The following CAMK1D variants were observed in gnomAD, a reference collection of about 807,000 sequenced individuals.
CAMK1D encodes calcium/calmodulin-dependent protein kinase type 1D.
CAMK1D carries 9 observed loss-of-function variants against 47.7 expected under a neutral mutation model. That is an observed-to-expected ratio of 0.19 (90% CI 0.11 to 0.33). The LOEUF is 0.33. Ranked by LOEUF, CAMK1D falls within the 10% of genes least tolerant of loss-of-function variation. The pLI is 1.00. For missense variants in CAMK1D, 291 were observed against 488.7 expected (o/e 0.60, Z 3.81); for synonymous variants, 184 against 184.9 (o/e 0.99, Z 0.04).
intron 3 of CAMK1D, among the ~76,000 whole-genome samples, chr10:12,752,669 T>TCATAGA (rs1313670025): frequency 6.6e-6 from 1 of 152,248 alleles, no homozygotes; most frequent in African/African-American, 2.4e-5. Flanking sequence ...TTTAGGCTTG[T>TCATAGA]CATAGAATCG....
intron 1 of CAMK1D, among the ~76,000 whole-genome samples, chr10:12,425,560 G>T (rs1285005846): frequency 1.3e-5 from 2 of 152,046 alleles, no homozygotes; most frequent in Non-Finnish European, 2.9e-5. Context: ...GGGATTACAG[G>T]CGTGAGCCAC....
chr10:12,590,868 C>T (rs1349205301), intron 2 of CAMK1D, among the ~76,000 whole-genome samples: 1 of 152,184 alleles, frequency 6.6e-6, no homozygotes, highest in East Asian at 1.9e-4. Context: ...GCTGGTGACA[C>T]ATGAACCAGC....
At chr10:12,791,322 A>G in intron 6 of CAMK1D, 89 bp downstream of exon 6, 1 of 1,209,558 alleles carries the variant, frequency 8.3e-7, no homozygotes, top group African/African-American at 1.5e-5. Flanking sequence ...ACCATTTTTA[A>G]GGGTACAGTT....
At chr10:12,781,968 A>G (rs1488972927) in intron 5 of CAMK1D, among the ~76,000 whole-genome samples, 1 of 129,196 alleles carries the variant, frequency 7.7e-6, no homozygotes, top group Non-Finnish European at 1.6e-5. Context: ...TTTTTAATTT[A>G]ATTGTTTTTT....
At chr10:12,532,441 G>A (rs971690310) in intron 1 of CAMK1D, among the ~76,000 whole-genome samples, 26 of 152,038 alleles carry the variant, frequency 1.7e-4, no homozygotes, top group Admixed American at 4.6e-4. Flanking sequence ...CACTACGCCT[G>A]GCTAATTTTT....
chr10:12,448,019 T>C (rs1474407457), intron 1 of CAMK1D, among the ~76,000 whole-genome samples: 3 of 151,370 alleles, frequency 2.0e-5, no homozygotes, highest in South Asian at 4.2e-4. Context: ...ACCTGGCTAA[T>C]TTTTTTCTGT....
chr10:12,599,279 T>C (rs1156416760), intron 2 of CAMK1D, among the ~76,000 whole-genome samples: 2 of 152,154 alleles, frequency 1.3e-5, no homozygotes, highest in Non-Finnish European at 2.9e-5. Context: ...TGCATCTTAT[T>C]TTGAGAGTGG....
At chr10:12,621,825 G>A (rs1839008407) in intron 2 of CAMK1D, among the ~76,000 whole-genome samples, 1 of 152,150 alleles carries the variant, frequency 6.6e-6, no homozygotes, top group Non-Finnish European at 1.5e-5. Context: ...ATGTGTGTGT[G>A]TACATTCCTT....
intron 1 of CAMK1D, among the ~76,000 whole-genome samples, chr10:12,354,480 C>T (rs999113480): frequency 1.1e-4 from 16 of 151,052 alleles, no homozygotes; most frequent in Non-Finnish European, 1.8e-4. Flanking sequence ...GGCTGGAGTG[C>T]AGTGGCGGGA....
At chr10:12,417,133 C>G (rs995642409) in intron 1 of CAMK1D, among the ~76,000 whole-genome samples, 1 of 152,164 alleles carries the variant, frequency 6.6e-6, no homozygotes, top group Admixed American at 6.6e-5. Context: ...AGGAACTTAC[C>G]TCAGTGCCTG....
chr10:12,606,511 T>C (rs1838466524), intron 2 of CAMK1D, among the ~76,000 whole-genome samples: 1 of 152,232 alleles, frequency 6.6e-6, no homozygotes, highest in African/African-American at 2.4e-5. Flanking sequence ...TCAGAATGGA[T>C]GGCTGGATTT....
At chr10:12,537,061 G>A (rs1835998355) in intron 1 of CAMK1D, among the ~76,000 whole-genome samples, 1 of 151,904 alleles carries the variant, frequency 6.6e-6, no homozygotes. Context: ...GTTTTTGTGG[G>A]TTTTCACTTT....
In CAMK1D at chr10:12,709,639, A is replaced by G. The variant is rs528974985; in HGVS notation, c.299+42829A>G. Reference sequence around the variant, plus strand: ...GTGGAGAGGAGGGCCTGTGTGTTTTAATCTGTCACCCGATATCTTGTATAG... The same window carrying G: ...GTGGAGAGGAGGGCCTGTGTGTTTTGATCTGTCACCCGATATCTTGTATAG... On this transcript the variant is annotated intron_variant, in intron 3 of 10. Coordinates refer to ENST00000619168, the MANE Select transcript of CAMK1D (RefSeq NM_153498.4). Among the ~76,000 whole-genome samples, 6 of 152,312 alleles carry G rather than the reference A, an allele frequency of 3.9e-5. No individual in the cohort carries two copies. The South Asian group carries it at 1.2e-3, about 32-fold the overall frequency.
intron 5 of CAMK1D, among the ~76,000 whole-genome samples, chr10:12,777,000 G>A (rs559810293): frequency 3.9e-5 from 6 of 152,150 alleles, no homozygotes; most frequent in Non-Finnish European, 7.3e-5. Context: ...TTGATTTGGG[G>A]GTTGCAAATA....
intron 5 of CAMK1D, among the ~76,000 whole-genome samples, chr10:12,784,833 G>T (rs1300928505): frequency 6.6e-6 from 1 of 152,176 alleles, no homozygotes; most frequent in Non-Finnish European, 1.5e-5. Flanking sequence ...AATGGTGTGT[G>T]GCGACTAGGT....
intron 1 of CAMK1D, among the ~76,000 whole-genome samples, chr10:12,374,668 C>T (rs191942987): frequency 2.6e-5 from 4 of 152,078 alleles, no homozygotes; most frequent in East Asian, 1.9e-4. Flanking sequence ...GTGGACCGGG[C>T]GCATTGGCTC....
chr10:12,559,334 C>A (rs911995544), intron 2 of CAMK1D, among the ~76,000 whole-genome samples: 8 of 152,210 alleles, frequency 5.3e-5, no homozygotes, highest in African/African-American at 1.9e-4. Flanking sequence ...TGCGCAGGCC[C>A]CATTCACGAC....
At chr10:12,777,978 G>C (rs912204140) in intron 5 of CAMK1D, among the ~76,000 whole-genome samples, 2 of 152,206 alleles carry the variant, frequency 1.3e-5, no homozygotes, top group African/African-American at 4.8e-5. Flanking sequence ...ACTGTCCCCT[G>C]GGCCCAAGCC....
chr10:12,641,933 T>C (rs1282626238), intron 2 of CAMK1D, among the ~76,000 whole-genome samples: 1 of 151,726 alleles, frequency 6.6e-6, no homozygotes. Context: ...TAGTCCCAGC[T>C]ACTCTGGAGG....
Sources: allele counts gnomAD v4.1 joint callset (sites outside exome capture counted in the v4.1 genomes callset), GRCh38; gene constraint gnomAD v4.1.1; transcripts MANE v1.5; gene names NCBI Gene and HGNC (gene_info 2026-07-23, HGNC 2026-07-21).